The following MYO18A variants were observed in gnomAD, a reference collection of about 807,000 sequenced individuals.
MYO18A encodes the protein myosin XVIIIA.
MYO18A carries 78 observed loss-of-function variants against 235.8 expected under a neutral mutation model. The ratio of observed to expected loss-of-function variants is 0.33; its 90% CI spans 0.28 to 0.40. The LOEUF is 0.40. Among genes scored for constraint, MYO18A ranks in the 10% least tolerant of loss-of-function variants. The pLI, the probability that MYO18A is intolerant of heterozygous loss-of-function variation, is 1.00. For missense variants in MYO18A, 2,215 were observed against 2,699.3 expected, an observed-to-expected ratio of 0.82 and a Z score of 3.98; for synonymous variants, 977 against 1,077.8, an observed-to-expected ratio of 0.91 and a Z score of 1.83.
At chr17:29,123,850 C>T (rs2067257028) in intron 2 of MYO18A, among the ~76,000 whole-genome samples, 2 of 152,120 alleles carry the variant, frequency 1.3e-5, no homozygotes, top group Admixed American at 1.3e-4. Context: ...AGATCGAGAC[C>T]ATCCTGGCTA....
In MYO18A at chr17:29,158,535, G is replaced by A. The variant is rs533947593; in HGVS notation, c.999+7407C>T. 2.6e-3 allele frequency among the ~76,000 whole-genome samples: 394 copies of A among 152,292 alleles called. 3 individuals carry two copies. The highest frequency in any genetic ancestry group is 3.9e-3 in the Admixed American group (60 of 15,298). Reference sequence around the variant, plus strand: ...GCAGTGGCTGTCTGGCATGGTGGGCGCCCTCAGTGCTGCCAGATGCCTGGG... The same window carrying A: ...GCAGTGGCTGTCTGGCATGGTGGGCACCCTCAGTGCTGCCAGATGCCTGGG... On this transcript the variant is annotated intron_variant, in intron 2 of 41. Coordinates refer to ENST00000527372, the MANE Select transcript of MYO18A (RefSeq NM_078471.4). The surrounding 1 kb of genome is among the most constrained non-coding windows in gnomAD (Gnocchi z 4.3).
At chr17:29,113,915 C>T (rs1298429872) in intron 15 of MYO18A, 96 bp downstream of exon 15, 1 of 975,454 alleles carries the variant, frequency 1.0e-6, no homozygotes. Context: ...CACAGTGGCA[C>T]CCCCAGCAGC....
At chr17:29,171,220 C>A (rs989596871) in intron 1 of MYO18A, among the ~76,000 whole-genome samples, 6 of 152,218 alleles carry the variant, frequency 3.9e-5, no homozygotes, top group African/African-American at 1.4e-4. Flanking sequence ...GAGGCCAAGG[C>A]AGGTGGATCA....
chr17:29,149,243 A>C (rs1262127279), intron 2 of MYO18A, among the ~76,000 whole-genome samples: 1 of 152,220 alleles, frequency 6.6e-6, no homozygotes, highest in Non-Finnish European at 1.5e-5. Flanking sequence ...TGTTTTTATC[A>C]CCGCTCTATC....
chr17:29,097,841 G>GCCTCCATCA lies in MYO18A; in HGVS notation c.4040_4048dup (p.Val1347_Glu1349dup). The GCCTCCATCA allele has an allele frequency of 6.2e-7, 1 of 1,613,894 alleles. No individual in the cohort carries two copies. The highest frequency in any genetic ancestry group is 8.5e-7 in the Non-Finnish European group (1 of 1,179,826). ...GATCTCCGCTGCCCGGATGAGACGG[G>GCCTCCATCA]CCTCCATCACCTCCATTTCCATAAC... is the stretch of plus-strand genomic sequence containing the variant. On this transcript the variant is annotated inframe_insertion, in exon 26 of 42. Coordinates refer to ENST00000527372, the MANE Select transcript of MYO18A (RefSeq NM_078471.4).
chr17:29,080,778 C>G lies in MYO18A; in HGVS notation c.6020+1538G>C, dbSNP rs530907707. 35 of 985,526 alleles carry G rather than the reference C, an allele frequency of 3.6e-5. 1 individual carries two copies. In the African/African-American group the frequency reaches 6.1e-4, roughly 17 times the overall value. The allele number at this position is 985,526 out of a possible 1,614,324, so 61.0% of individuals were successfully genotyped here. A position where few individuals can be genotyped will look rare whatever the true frequency, so the allele number is the denominator to read the frequency against. ...AGCGGACGGAGCCGCACTCCTCCGG[C>G]TCCTCGGACTTCCTGCCTGGGCATG... On this transcript the variant is annotated intron_variant, in intron 41 of 41. Transcript: ENST00000527372.
chr17:29,129,174 C>A, intron 2 of MYO18A: 1 of 1,188,848 alleles, frequency 8.4e-7, no homozygotes, highest in Middle Eastern at 2.2e-4. Context: ...GCCAGGCCTC[C>A]TCCTCACAGC....
In MYO18A at chr17:29,112,153, C is replaced by T. The variant is rs138283225; in HGVS notation, c.2599-290G>A. ...CAGCCTTCCTGCTGGCCCGAGCCCGCGCCCCGAGGCCCTCCTCCACCCTCG... is the reference window on the plus strand; with the variant it reads ...CAGCCTTCCTGCTGGCCCGAGCCCGTGCCCCGAGGCCCTCCTCCACCCTCG... On this transcript the variant is annotated intron_variant, in intron 15 of 41. Transcript: ENST00000527372. 2.2e-3 allele frequency among the ~76,000 whole-genome samples: 337 copies of T among 152,346 alleles called. 1 individual carries two copies. The highest frequency in any genetic ancestry group is 7.4e-3 in the African/African-American group (307 of 41,580).
Position 29,074,899 on chromosome 17 carries a change from C to T in MYO18A, c.6036G>A (p.Trp2012Ter). The T allele has an allele frequency of 6.2e-7, 1 of 1,613,934 alleles. No individual in the cohort carries two copies. The highest frequency in any genetic ancestry group is 1.1e-5 in the South Asian group (1 of 91,078). The change falls in exon 42 of 42, where the codon TGG (tryptophan) becomes TGA (stop). Residue 2012 changes from tryptophan (W) to a stop codon, truncating the protein, a stop_gained. Transcript: ENST00000527372. LOFTEE classifies it high-confidence loss of function. This position sits in a 1 kb window ranked among gnomAD's most constrained non-coding sequence, Gnocchi z 4.4. ...CTGACCGATCAGGGGCAAGGGACTT[C>T]CAGTAGCTGGTGGGGCTGCAGGGAC... Reference protein sequence around the residue: ...SLKSSSPTSYWKSLAPDRSDD... With the variant: ...SLKSSSPTSY
At chr17:29,103,081 T>A (rs1421196428) in intron 21 of MYO18A, among the ~76,000 whole-genome samples, 4 of 152,252 alleles carry the variant, frequency 2.6e-5, no homozygotes, top group South Asian at 2.1e-4. Context: ...CCAGCGTGCC[T>A]GCATTTTACG....
Position 29,074,094 on chromosome 17 carries a change from C to T in MYO18A, c.*676G>A, listed in dbSNP as rs1568028467. The T allele has an allele frequency of 5.0e-6, 8 of 1,613,882 alleles. No individual in the cohort carries two copies. The highest frequency in any genetic ancestry group is 6.8e-6 in the Non-Finnish European group (8 of 1,180,006). ...ACCCAGCCCAGCAGCACCGGAGAGC[C>T]CCTCCGCACCTCATTCTTAAGAACC... On this transcript the variant is annotated 3_prime_UTR_variant, in exon 42 of 42. Coordinates refer to ENST00000527372, the MANE Select transcript of MYO18A (RefSeq NM_078471.4). The surrounding 1 kb of genome is among the most constrained non-coding windows in gnomAD (Gnocchi z 4.4).
chr17:29,133,846 G>A (rs2067532571), intron 2 of MYO18A: 1 of 1,289,342 alleles, frequency 7.8e-7, no homozygotes, highest in African/African-American at 1.5e-5. Flanking sequence ...TGGCGCTGAA[G>A]GTAACCTGTG....
chr17:29,110,490 T>C lies in MYO18A; in HGVS notation c.3033A>G (p.Thr1011=). Residue 1011 remains threonine (T), a synonymous_variant, in exon 18 of 42, where the codon ACA becomes ACG. Coordinates refer to ENST00000527372, the MANE Select transcript of MYO18A (RefSeq NM_078471.4). ...RATSMRKTFT[T]GMAAVKKKSL... is the part of the protein sequence containing the mutation. ...ACTTCTTTTTGACAGCCGCCATGCC[T>C]GTGGTAAAGGTTTTCCGCATGCTGG... The C allele has an allele frequency of 6.2e-7, 1 of 1,602,554 alleles. No homozygotes were observed. Among genetic ancestry groups the C allele is most frequent in the Non-Finnish European group, 8.5e-7 (1 of 1,174,898 alleles).
chr17:29,160,400 C>A (rs2068147223), intron 2 of MYO18A, among the ~76,000 whole-genome samples: 1 of 152,176 alleles, frequency 6.6e-6, no homozygotes, highest in Non-Finnish European at 1.5e-5. Flanking sequence ...GATTGCCCCC[C>A]ACTTCCCCCA....
At chr17:29,122,888 C>T (rs1002973852) in intron 2 of MYO18A, among the ~76,000 whole-genome samples, 3 of 152,250 alleles carry the variant, frequency 2.0e-5, no homozygotes, top group Admixed American at 1.3e-4. Context: ...CATCAGCCTC[C>T]CTGCTCCTTC....
Position 29,119,332 on chromosome 17 carries a change from C to T in MYO18A, c.1829+3G>A. Reference sequence around the variant, plus strand: ...CCCTTGTGTACCCTCTGACCCATCTCACCTGAGGGTGCCATCCCCACAGGC... The same window carrying T: ...CCCTTGTGTACCCTCTGACCCATCTTACCTGAGGGTGCCATCCCCACAGGC... On this transcript the variant is annotated splice_donor_region_variant and intron_variant, in intron 8 of 41. Transcript: ENST00000527372. The T allele has an allele frequency of 3.7e-6, 6 of 1,609,258 alleles. No homozygotes were observed. The highest frequency in any genetic ancestry group is 5.1e-6 in the Non-Finnish European group (6 of 1,177,586).
intron 36 of MYO18A, 147 bp downstream of exon 36, chr17:29,090,385 C>T: frequency 1.3e-6 from 1 of 745,206 alleles, no homozygotes; most frequent in South Asian, 1.8e-5. Flanking sequence ...GACATGGCTC[C>T]AAGCCTAGCT....
At position 29,098,832 on chromosome 17, in the gene MYO18A, G is replaced by C. The variant is rs770094267; in HGVS notation, c.3774C>G (p.Asn1258Lys). The C allele has an allele frequency of 1.2e-6, 2 of 1,613,996 alleles. No individual in the cohort carries two copies. The highest frequency in any genetic ancestry group is 1.7e-6 in the Non-Finnish European group (2 of 1,179,872). Reference protein sequence around the residue: ...EVQLSEEQIRNKDEEIQQLRS... With the variant: ...EVQLSEEQIRKKDEEIQQLRS... ...CTCTCAGGCTGTCACATACGTCTTT[G>C]TTCCGGATCTGCTCCTCTGACAGCT... The change falls in exon 23 of 42, where the codon AAC becomes AAG. Residue 1258 changes from asparagine to lysine, a missense_variant. Asn to Lys is a moderately conservative substitution (Grantham distance 94). Transcript: ENST00000527372.
At chr17:29,137,792 C>A (rs2067639985) in intron 2 of MYO18A, among the ~76,000 whole-genome samples, 1 of 152,028 alleles carries the variant, frequency 6.6e-6, no homozygotes, top group Non-Finnish European at 1.5e-5. Flanking sequence ...AACTGGAACC[C>A]AAATAGTATA....
Sources: allele counts gnomAD v4.1 joint callset (sites outside exome capture counted in the v4.1 genomes callset), GRCh38; gene constraint gnomAD v4.1.1; non-coding constraint Gnocchi (gnomAD v3.1); transcripts MANE v1.5; gene names NCBI Gene and HGNC (gene_info 2026-07-23, HGNC 2026-07-21).